KCNK9: variants seen among roughly 807,000 people sequenced by gnomAD.
KCNK9 encodes the protein potassium two pore domain channel subfamily K member 9, also known as potassium channel subfamily K member 9.
Under a neutral mutation model 10.8 loss-of-function variants are expected in KCNK9, and 1 was observed. That is an observed-to-expected ratio of 0.09 (90% CI 0.03 to 0.44). The LOEUF (loss-of-function observed/expected upper bound fraction) is 0.44. Ranked by LOEUF, KCNK9 falls within the 20% of genes least tolerant of loss-of-function variation. KCNK9 has a pLI of 0.97. For missense variants in KCNK9, 303 were observed against 515.0 expected (o/e 0.59, Z 3.98); for synonymous variants, 231 against 222.7 (o/e 1.04, Z -0.33).
At chr8:139,649,873 T>C (rs2129670934) in intron 1 of KCNK9, among the ~76,000 whole-genome samples, 1 of 152,352 alleles carries the variant, frequency 6.6e-6, no homozygotes, top group Middle Eastern at 3.4e-3. Flanking sequence ...AGGCAATTAA[T>C]GCTGGAGCAG....
chr8:139,610,594 C>T (rs768984125), downstream of KCNK9, among the ~76,000 whole-genome samples: 1 of 152,174 alleles, frequency 6.6e-6, no homozygotes, highest in Non-Finnish European at 1.5e-5. Flanking sequence ...CAAAACCCCA[C>T]CCAAACAAGG....
chr8:139,610,037 TCCTGTACATCATC>T (rs1238088295), downstream of KCNK9, among the ~76,000 whole-genome samples: 2 of 152,156 alleles, frequency 1.3e-5, no homozygotes, highest in African/African-American at 4.8e-5. Context: ...TTGACTTCTT[TCCTGTACATCATC>T]CCACCCTCAC....
chr8:139,695,848 G>A (rs1034587573), intron 1 of KCNK9, among the ~76,000 whole-genome samples: 1 of 152,150 alleles, frequency 6.6e-6, no homozygotes, highest in Non-Finnish European at 1.5e-5. Flanking sequence ...TCCTCTAGGA[G>A]GCTGGTGTAT....
chr8:139,659,749 T>A (rs1816106819), intron 1 of KCNK9, among the ~76,000 whole-genome samples: 1 of 150,398 alleles, frequency 6.6e-6, no homozygotes, highest in Non-Finnish European at 1.5e-5. Flanking sequence ...ATGGTCTCGA[T>A]CTGACTTCAT....
chr8:139,635,132 G>A (rs1374374641), intron 1 of KCNK9, among the ~76,000 whole-genome samples: 4 of 152,218 alleles, frequency 2.6e-5, no homozygotes, highest in Admixed American at 1.3e-4. Context: ...GCATAGCTCC[G>A]CTGCCTGGTA....
chr8:139,636,408 G>A (rs548517393), intron 1 of KCNK9, among the ~76,000 whole-genome samples: 8 of 152,310 alleles, frequency 5.3e-5, no homozygotes, highest in African/African-American at 1.9e-4. Context: ...CCCATACCCC[G>A]GCCCCCTGCC....
chr8:139,678,374 A>G (rs1352028729), intron 1 of KCNK9, among the ~76,000 whole-genome samples: 1 of 152,192 alleles, frequency 6.6e-6, no homozygotes, highest in Non-Finnish European at 1.5e-5. Context: ...CTGTCCCTCT[A>G]GGACCACAGC....
chr8:139,659,867 C>T (rs1816109083), intron 1 of KCNK9, among the ~76,000 whole-genome samples: 2 of 151,914 alleles, frequency 1.3e-5, no homozygotes, highest in Non-Finnish European at 2.9e-5. Flanking sequence ...ATCAAGTATA[C>T]TGCCTTTTGT....
rs555629562 is a variant in KCNK9, at chr8:139,693,912, A to G, written c.283+8798T>C. ...CAGGAAGCCATAGTATCCCAACAGA[A>G]CTGAGTTGGGGAAATCTTACTCCTT... On this transcript the variant is annotated intron_variant, in intron 1 of 1. Coordinates refer to ENST00000520439, the MANE Select transcript of KCNK9 (RefSeq NM_001282534.2). This position sits in a 1 kb window ranked among gnomAD's most constrained non-coding sequence, Gnocchi z 4.1. Among the ~76,000 whole-genome samples the G allele has an allele frequency of 3.4e-4, 52 of 152,084 alleles. No homozygotes were observed. The highest frequency in any genetic ancestry group is 1.3e-3 in the African/African-American group (52 of 41,462).
intron 1 of KCNK9, among the ~76,000 whole-genome samples, chr8:139,638,662 C>T (rs570887939): frequency 6.6e-6 from 1 of 152,320 alleles, no homozygotes; most frequent in African/African-American, 2.4e-5. Context: ...CTACCAGCCT[C>T]CCTGGGTGCC....
chr8:139,686,553 A>T (rs1816793529), intron 1 of KCNK9, among the ~76,000 whole-genome samples: 2 of 152,248 alleles, frequency 1.3e-5, no homozygotes, highest in African/African-American at 4.8e-5. Context: ...TGCAAGAACT[A>T]ACTTAATCTT....
intron 1 of KCNK9, among the ~76,000 whole-genome samples, chr8:139,631,914 G>T (rs780499760): frequency 3.3e-5 from 5 of 152,166 alleles, no homozygotes; most frequent in African/African-American, 9.7e-5. Context: ...ACCTTGCAGG[G>T]TCTGAGAGGG....
chr8:139,692,691 C>T (rs573464463), intron 1 of KCNK9, among the ~76,000 whole-genome samples: 21 of 152,312 alleles, frequency 1.4e-4, no homozygotes, highest in East Asian at 7.7e-4. Context: ...TCCCACACCC[C>T]GTGGCATCCC....
intron 1 of KCNK9, among the ~76,000 whole-genome samples, chr8:139,652,977 C>T (rs1283461928): frequency 1.3e-5 from 2 of 152,208 alleles, no homozygotes; most frequent in African/African-American, 2.4e-5. Context: ...GTACAAGCAT[C>T]GTGTGCAGTG....
At chr8:139,638,832 G>C (rs1345202592) in intron 1 of KCNK9, among the ~76,000 whole-genome samples, 1 of 152,190 alleles carries the variant, frequency 6.6e-6, no homozygotes, top group Non-Finnish European at 1.5e-5. Context: ...GATACATAGA[G>C]GCATCATCCG....
At chr8:139,663,578 G>A (rs1400560876) in intron 1 of KCNK9, among the ~76,000 whole-genome samples, 1 of 151,930 alleles carries the variant, frequency 6.6e-6, no homozygotes, top group Non-Finnish European at 1.5e-5. Flanking sequence ...CCACTCTGCA[G>A]AGAGACCACA....
chr8:139,680,246 T>A (rs1816659325), intron 1 of KCNK9, among the ~76,000 whole-genome samples: 1 of 152,144 alleles, frequency 6.6e-6, no homozygotes, highest in Non-Finnish European at 1.5e-5. Context: ...CGTGTCTGGG[T>A]CTTCTGGGGG....
rs528597003 is a variant in KCNK9 at position 139,618,136 on chromosome 8, G to A, written c.*122C>T. 2.2e-6 allele frequency: 3 copies of A among 1,348,302 alleles called. No homozygotes were observed. The highest frequency in any genetic ancestry group is 2.5e-5 in the East Asian group (1 of 40,164). 83.5% of individuals were successfully genotyped at this position (1,348,302 alleles called of 1,614,324 possible). A position where few individuals can be genotyped will look rare whatever the true frequency, so the allele number is the denominator to read the frequency against. ...GACCAAGAGACCAAGAAAGGAGGAA[G>A]GAGAGAAAGTAATAATGATGACAAT... On this transcript the variant is annotated 3_prime_UTR_variant, in exon 2 of 2. Coordinates refer to ENST00000520439, the MANE Select transcript of KCNK9 (RefSeq NM_001282534.2). This position sits in a 1 kb window ranked among gnomAD's most constrained non-coding sequence, Gnocchi z 7.9.
At chr8:139,691,364 A>T (rs897320005) in intron 1 of KCNK9, among the ~76,000 whole-genome samples, 1 of 152,244 alleles carries the variant, frequency 6.6e-6, no homozygotes, top group Non-Finnish European at 1.5e-5. Flanking sequence ...CTAGGAAAAC[A>T]TCCTGAAATA....
Sources: gnomAD v4.1 joint callset for allele counts (sites outside exome capture counted in the v4.1 genomes callset) on GRCh38, gnomAD v4.1.1 for gene constraint, Gnocchi (gnomAD v3.1) non-coding constraint, MANE v1.5 for transcripts, NCBI Gene and HGNC (gene_info 2026-07-23, HGNC 2026-07-21) for gene names.